The following MYO9B variants were observed in gnomAD, a reference collection of about 807,000 sequenced individuals.
The protein encoded by MYO9B is unconventional myosin-IXb.
MYO9B carries 71 observed loss-of-function variants against 229.5 expected under a neutral mutation model. That is an observed-to-expected ratio of 0.31 (90% CI 0.26 to 0.38). MYO9B has a LOEUF of 0.38. Ranked by LOEUF, MYO9B falls within the 10% of genes least tolerant of loss-of-function variation. The pLI is 1.00. For missense variants in MYO9B, 2,255 were observed against 2,920.5 expected, an observed-to-expected ratio of 0.77 and a Z score of 5.25; for synonymous variants, 1,185 against 1,235.8, an observed-to-expected ratio of 0.96 and a Z score of 0.86.
chr19:17,113,160 A>G (rs1003437573), intron 2 of MYO9B, among the ~76,000 whole-genome samples: 1 of 152,192 alleles, frequency 6.6e-6, no homozygotes, highest in Non-Finnish European at 1.5e-5. Flanking sequence ...ATGCAGAGGT[A>G]TTTGAGGCTG....
At chr19:17,114,130 C>T (rs1182958461) in intron 2 of MYO9B, among the ~76,000 whole-genome samples, 7 of 152,220 alleles carry the variant, frequency 4.6e-5, no homozygotes. Flanking sequence ...CCCTGAGGAG[C>T]AGAACCACCC....
At chr19:17,175,919 A>T (rs1276218165) in intron 14 of MYO9B, among the ~76,000 whole-genome samples, 178 bp downstream of exon 14, 2 of 123,456 alleles carry the variant, frequency 1.6e-5, no homozygotes, top group Admixed American at 1.9e-4. Flanking sequence ...CCCAACTTCC[A>T]CCTCCCGGGT....
At chr19:17,197,324 G>T (rs982793456) in intron 22 of MYO9B, among the ~76,000 whole-genome samples, 1 of 151,576 alleles carries the variant, frequency 6.6e-6, no homozygotes, top group Non-Finnish European at 1.5e-5. Context: ...GAGATGGATG[G>T]AAGGCAGATA....
intron 4 of MYO9B, 43 bp downstream of exon 4, chr19:17,152,749 G>A (rs1225465805): frequency 6.5e-7 from 1 of 1,533,966 alleles, no homozygotes; most frequent in Admixed American, 1.7e-5. Context: ...GCCACGCCAT[G>A]TCTACGTTTC....
chr19:17,176,700 C>T (rs184883002), intron 14 of MYO9B, among the ~76,000 whole-genome samples: 5 of 152,220 alleles, frequency 3.3e-5, no homozygotes, highest in Non-Finnish European at 7.4e-5. Flanking sequence ...GATGGTGGTG[C>T]GGAGAGACGG....
At chr19:17,208,263 C>A (rs1222320137) in intron 35 of MYO9B, among the ~76,000 whole-genome samples, 2 of 144,368 alleles carry the variant, frequency 1.4e-5, no homozygotes, top group African/African-American at 5.2e-5. Flanking sequence ...TGCTTGAACC[C>A]AGGAGGTGGA....
chr19:17,179,583 T>G lies in MYO9B; in HGVS notation c.2220-1344T>G, dbSNP rs2072832756. On this transcript the variant is annotated intron_variant, in intron 14 of 39. Coordinates refer to ENST00000682292, the MANE Select transcript of MYO9B (RefSeq NM_004145.4). ...CTGGGACTACAGGCATGCGCCACCA[T>G]GCCCAGCTAATTTTTGTGTGTTTAG... 2.0e-5 allele frequency among the ~76,000 whole-genome samples: 3 copies of G among 151,214 alleles called. No homozygotes were observed. In the South Asian group the frequency reaches 6.3e-4, roughly 32 times the overall value.
intron 1 of MYO9B, among the ~76,000 whole-genome samples, chr19:17,077,666 C>T (rs183073912): frequency 3.9e-5 from 6 of 152,266 alleles, no homozygotes; most frequent in Admixed American, 6.5e-5. Context: ...CCTCCATCAG[C>T]GTTTTTCAAC....
intron 2 of MYO9B, among the ~76,000 whole-genome samples, chr19:17,123,342 G>A (rs2145134584): frequency 6.6e-6 from 1 of 152,182 alleles, no homozygotes; most frequent in East Asian, 1.9e-4. Context: ...GATGCCAAAA[G>A]CCTCACTTTG....
intron 2 of MYO9B, among the ~76,000 whole-genome samples, chr19:17,131,413 C>T (rs1333658423): frequency 1.3e-5 from 2 of 152,150 alleles, no homozygotes; most frequent in South Asian, 2.1e-4. Context: ...GGACTACAGG[C>T]GCACGCCACC....
Position 17,212,292 on chromosome 19 carries a change from G to C in MYO9B, c.6456G>C (p.Ser2152=), listed in dbSNP as rs369135686. ...CAACGTACTGCCTGCCCCCCGCCTC[G>C]GGCCAGACCAATGGCTGAGAGCCAC... is the stretch of plus-strand genomic sequence containing the variant. The part of the protein sequence containing the change: ...DPPTYCLPPA[S]GQTNG The change falls in exon 40 of 40, where the codon TCG becomes TCC. Residue 2152 remains serine (S), a synonymous_variant. Transcript: ENST00000682292. The surrounding 1 kb of genome is among the most constrained non-coding windows in gnomAD (Gnocchi z 5.4). The C allele has an allele frequency of 6.6e-7, 1 of 1,517,556 alleles. No homozygotes were observed. The highest frequency in any genetic ancestry group is 8.8e-7 in the Non-Finnish European group (1 of 1,141,142). 94.0% of individuals were successfully genotyped at this position (1,517,556 alleles called of 1,614,324 possible).
In MYO9B at chr19:17,206,002, G is replaced by C; in HGVS notation, c.5107G>C (p.Asp1703His). 1 of 1,601,654 alleles carries C rather than the reference G, an allele frequency of 6.2e-7. No individual in the cohort carries two copies. Among genetic ancestry groups the C allele is most frequent in the Non-Finnish European group, 8.5e-7 (1 of 1,173,734 alleles). The part of the protein sequence containing the change: ...VEPGHFGVCV[D>H]SLTSDKASVP... ...GCCTGGCCACTTCGGCGTGTGCGTA[G>C]ACAGCCTGACCAGCGACAAGGCCTC... The change falls in exon 32 of 40, where the codon GAC becomes CAC. Residue 1703 changes from aspartate to histidine, a missense_variant. Asp to His is a moderately conservative substitution (Grantham distance 81). Around this residue, in one of 7 missense-constraint regions of MYO9B, gnomAD observed 416 missense variants for 605.5 expected, o/e 0.69. Transcript: ENST00000682292.
chr19:17,203,380 C>T (rs1811525), intron 30 of MYO9B, 122 bp downstream of exon 30: 303,307 of 655,382 alleles, frequency 0.46, 74,997 homozygotes, highest in East Asian at 0.75. Context: ...TTTGGGAGGC[C>T]GAGGCAGGTG....
chr19:17,207,280 G>T (rs1488074701), intron 35 of MYO9B, 36 bp downstream of exon 35: 2 of 1,578,716 alleles, frequency 1.3e-6, no homozygotes, highest in South Asian at 1.2e-5. Context: ...CATGCTCAGG[G>T]CAGCCCCACC....
At chr19:17,084,737 A>C (rs1568651590) in intron 1 of MYO9B, among the ~76,000 whole-genome samples, 1 of 151,466 alleles carries the variant, frequency 6.6e-6, no homozygotes, top group Admixed American at 6.6e-5. Flanking sequence ...AAAAAAGAAA[A>C]ACACACACAC....
chr19:17,090,364 T>C (rs2057626160), intron 1 of MYO9B, among the ~76,000 whole-genome samples: 2 of 152,094 alleles, frequency 1.3e-5, no homozygotes, highest in Admixed American at 1.3e-4. Flanking sequence ...TTCCCGAGGC[T>C]GGTCTTGAAC....
At chr19:17,106,868 G>A (rs1555802039) in intron 2 of MYO9B, among the ~76,000 whole-genome samples, 1 of 152,196 alleles carries the variant, frequency 6.6e-6, no homozygotes, top group African/African-American at 2.4e-5. Flanking sequence ...TTCGAGACCA[G>A]CCTGGCAAAC....
chr19:17,097,136 A>C (rs530755131), intron 1 of MYO9B, among the ~76,000 whole-genome samples: 6 of 151,890 alleles, frequency 4.0e-5, no homozygotes, highest in African/African-American at 1.4e-4. Flanking sequence ...GTCTCTACTA[A>C]AACAGAGAAA....
chr19:17,193,891 GGCTGGGCATAGTGGCTC>G lies in MYO9B; in HGVS notation c.3129-664_3129-648del, dbSNP rs1432254868. Among the ~76,000 whole-genome samples, 132 of 152,252 alleles carry G rather than the reference GGCTGGGCATAGTGGCTC, an allele frequency of 8.7e-4. 1 individual carries two copies. Among genetic ancestry groups the G allele is most frequent in the African/African-American group, 3.2e-3 (131 of 41,540 alleles). ...AGACACTGTCTCTAAAAGCAAAACA[GGCTGGGCATAGTGGCTC>G]ACACCTGTAAGGCCAGCACTTTGGG... On this transcript the variant is annotated intron_variant, in intron 21 of 39. Coordinates refer to ENST00000682292, the MANE Select transcript of MYO9B (RefSeq NM_004145.4). The surrounding 1 kb of genome is among the most constrained non-coding windows in gnomAD (Gnocchi z 4.3).
Sources: gnomAD v4.1 joint callset for allele counts (sites outside exome capture counted in the v4.1 genomes callset) on GRCh38, gnomAD v4.1.1 for gene constraint, gnomAD v4.1.1 regional missense constraint, Gnocchi (gnomAD v3.1) non-coding constraint, MANE v1.5 for transcripts, NCBI Gene and HGNC (gene_info 2026-07-23, HGNC 2026-07-21) for gene names.